CCSER1: variants seen among roughly 807,000 people sequenced by gnomAD.
The protein encoded by CCSER1 is coiled-coil serine rich protein 1.
CCSER1 carries 41 observed loss-of-function variants against 82.0 expected under a neutral mutation model. That is an observed-to-expected ratio of 0.50 (90% CI 0.39 to 0.65). The LOEUF (loss-of-function observed/expected upper bound fraction) is 0.65, where lower values mean the gene tolerates loss of function less well. Among genes scored for constraint, CCSER1 ranks in the 30% least tolerant of loss-of-function variants. The pLI is 0.00. For missense variants in CCSER1, 1,119 were observed against 1,064.2 expected (o/e 1.05, Z -0.72); for synonymous variants, 414 against 383.9 (o/e 1.08, Z -0.92).
chr4:90,572,407 A>C (rs1199735542), intron 5 of CCSER1, among the ~76,000 whole-genome samples: 1 of 152,102 alleles, frequency 6.6e-6, no homozygotes, highest in African/African-American at 2.4e-5. Flanking sequence ...ACCTACTACT[A>C]TCTTGTTAAA....
In CCSER1 at chr4:91,590,679, A is replaced by G. The variant is rs574939551; in HGVS notation, c.2218-7893A>G. On this transcript the variant is annotated intron_variant, in intron 10 of 10. Coordinates refer to ENST00000509176, the MANE Select transcript of CCSER1 (RefSeq NM_001145065.2). ...TCAACACATTGTGTCGTGATATATC[A>G]AAAGGAGCATTTACTTTTTAAGTAG... Among the ~76,000 whole-genome samples, 7 of 152,264 alleles carry G rather than the reference A, an allele frequency of 4.6e-5. No individual in the cohort carries two copies. The South Asian group carries it at 1.4e-3, about 32-fold the overall frequency.
chr4:90,937,203 A>G (rs1284647170), intron 9 of CCSER1, among the ~76,000 whole-genome samples: 1 of 152,160 alleles, frequency 6.6e-6, no homozygotes, highest in Non-Finnish European at 1.5e-5. Flanking sequence ...TGTAGAAAAG[A>G]GCCATCAGGG....
rs551341831 is a variant in CCSER1, at chr4:91,433,519, T to C, written c.2218-165053T>C. Among the ~76,000 whole-genome samples the C allele has an allele frequency of 3.9e-5, 6 of 152,338 alleles. 1 individual carries two copies. The East Asian group carries it at 9.6e-4, about 24-fold the overall frequency. ...CTCCCTACACAGGTGTACCATTTTT[T>C]ATCTTTCATTCTCTCATTTTTAGTT... On this transcript the variant is annotated intron_variant, in intron 10 of 10. Coordinates refer to ENST00000509176, the MANE Select transcript of CCSER1 (RefSeq NM_001145065.2).
At chr4:91,027,269 T>A (rs1185246825) in intron 9 of CCSER1, among the ~76,000 whole-genome samples, 1 of 152,066 alleles carries the variant, frequency 6.6e-6, no homozygotes, top group Non-Finnish European at 1.5e-5. Flanking sequence ...CATCTTCCAT[T>A]TTTATTTACT....
intron 9 of CCSER1, among the ~76,000 whole-genome samples, chr4:91,072,389 T>A (rs1235398200): frequency 1.3e-5 from 2 of 152,074 alleles, no homozygotes; most frequent in Non-Finnish European, 2.9e-5. Flanking sequence ...TTTACTTAAC[T>A]TTTTTTCCCC....
intron 4 of CCSER1, among the ~76,000 whole-genome samples, chr4:90,467,706 A>T (rs1763827653): frequency 6.6e-6 from 1 of 152,144 alleles, no homozygotes. Flanking sequence ...AAACCAAAAA[A>T]AAAAAGAAAA....
chr4:90,742,417 C>T (rs1746699181), intron 7 of CCSER1, among the ~76,000 whole-genome samples: 2 of 152,080 alleles, frequency 1.3e-5, no homozygotes, highest in African/African-American at 2.4e-5. Flanking sequence ...ATTAGGAAGT[C>T]GAGCCTATTA....
In CCSER1 at chr4:91,535,443, C is replaced by T. The variant is rs575644468; in HGVS notation, c.2218-63129C>T. 6.5e-3 allele frequency among the ~76,000 whole-genome samples: 941 copies of T among 145,016 alleles called. 14 individuals are homozygous for T. The highest frequency in any genetic ancestry group is 0.023 in the African/African-American group (886 of 38,822). The stretch of plus-strand genomic sequence containing the variant: ...AGGTGAGAATGATGAGGTGAGGAGA[C>T]GGAATAAAATCTCACAAAATGAAAA... On this transcript the variant is annotated intron_variant, in intron 10 of 10. Transcript: ENST00000509176.
At chr4:90,329,697 G>C (rs938908219) in intron 3 of CCSER1, among the ~76,000 whole-genome samples, 22 of 151,950 alleles carry the variant, frequency 1.4e-4, no homozygotes, top group South Asian at 4.1e-4. Context: ...AAAATTAATT[G>C]AGCAGTATGC....
intron 1 of CCSER1, among the ~76,000 whole-genome samples, chr4:90,143,567 A>G (rs1297791296): frequency 1.3e-5 from 2 of 151,820 alleles, no homozygotes; most frequent in Non-Finnish European, 2.9e-5. Flanking sequence ...TCAAGTATTC[A>G]GTAAATTTTT....
At chr4:90,511,155 C>T (rs769815243) in intron 5 of CCSER1, among the ~76,000 whole-genome samples, 5 of 152,308 alleles carry the variant, frequency 3.3e-5, no homozygotes, top group African/African-American at 4.8e-5. Flanking sequence ...TGCAGTGGCT[C>T]ATGCCTGTAA....
intron 5 of CCSER1, among the ~76,000 whole-genome samples, chr4:90,526,402 CT>C (rs928877049): frequency 5.4e-4 from 81 of 149,830 alleles, no homozygotes; most frequent in African/African-American, 1.7e-3. Flanking sequence ...CATCAGAAGG[CT>C]TTTTTTTTTC....
intron 10 of CCSER1, among the ~76,000 whole-genome samples, chr4:91,512,469 T>C (rs1408641373): frequency 6.6e-6 from 1 of 152,186 alleles, no homozygotes; most frequent in Non-Finnish European, 1.5e-5. Flanking sequence ...AAGGCTGCAC[T>C]GTCGGCTTCC....
At chr4:91,293,906 G>A (rs139366406) in intron 10 of CCSER1, among the ~76,000 whole-genome samples, 154 of 151,996 alleles carry the variant, frequency 1.0e-3, no homozygotes, top group African/African-American at 3.4e-3. Context: ...GGCTATAATT[G>A]CTTTTCAAGT....
chr4:91,427,483 A>G (rs1389901385), intron 10 of CCSER1, among the ~76,000 whole-genome samples: 1 of 152,164 alleles, frequency 6.6e-6, no homozygotes, highest in East Asian at 1.9e-4. Flanking sequence ...AAACAATCCC[A>G]TTAGACTGAA....
intron 7 of CCSER1, among the ~76,000 whole-genome samples, chr4:90,792,602 T>A (rs1755411477): frequency 6.6e-6 from 1 of 152,166 alleles, no homozygotes; most frequent in African/African-American, 2.4e-5. Context: ...ATTCTTTTGA[T>A]GATGTGACAG....
chr4:90,786,493 C>G (rs973997162), intron 7 of CCSER1, among the ~76,000 whole-genome samples: 2 of 125,170 alleles, frequency 1.6e-5, no homozygotes, highest in African/African-American at 6.7e-5. Flanking sequence ...AATCATTTTA[C>G]TCAAAGTTTA....
At chr4:91,402,428 G>C (rs1172646130) in intron 10 of CCSER1, among the ~76,000 whole-genome samples, 5 of 152,140 alleles carry the variant, frequency 3.3e-5, no homozygotes, top group Admixed American at 1.3e-4. Context: ...TTTGGCTTTT[G>C]TTGCTGTTGC....
At chr4:91,106,874 T>C (rs1391114289) in intron 10 of CCSER1, among the ~76,000 whole-genome samples, 2 of 152,312 alleles carry the variant, frequency 1.3e-5, no homozygotes, top group East Asian at 3.9e-4. Flanking sequence ...CAATGTGGTA[T>C]AATTTTCCCA....
Sources: allele counts gnomAD v4.1 joint callset (sites outside exome capture counted in the v4.1 genomes callset), GRCh38; gene constraint gnomAD v4.1.1; transcripts MANE v1.5; gene names NCBI Gene and HGNC (gene_info 2026-07-23, HGNC 2026-07-21).